The following MARK3 variants were observed in gnomAD, a reference collection of about 807,000 sequenced individuals.
The protein encoded by MARK3 is MAP/microtubule affinity-regulating kinase 3.
Under a neutral mutation model 90.1 loss-of-function variants are expected in MARK3, and 46 were observed. The observed-to-expected ratio is 0.51, with a 90% confidence interval of 0.40 to 0.65. MARK3 has a LOEUF of 0.65. MARK3 is among the 30% of genes least tolerant of loss of function. The pLI, the probability that MARK3 is intolerant of heterozygous loss-of-function variation, is 0.00. For synonymous variants in MARK3, 321 were observed against 332.6 expected, an observed-to-expected ratio of 0.97 and a Z score of 0.38; for missense variants, 818 against 947.2, an observed-to-expected ratio of 0.86 and a Z score of 1.79.
At chr14:103,418,444 T>G (rs1264083183) in intron 2 of MARK3, among the ~76,000 whole-genome samples, 1 of 152,132 alleles carries the variant, frequency 6.6e-6, no homozygotes, top group East Asian at 1.9e-4. Flanking sequence ...AGAGCTTTCC[T>G]ATTGGGAGTT....
intron 6 of MARK3, among the ~76,000 whole-genome samples, chr14:103,460,197 T>C (rs907219209): frequency 2.0e-5 from 3 of 147,206 alleles, no homozygotes; most frequent in Non-Finnish European, 4.5e-5. Context: ...GCCATTCTTC[T>C]GCCTCAGCCT....
chr14:103,408,248 G>A lies in MARK3; in HGVS notation c.243+2981G>A, dbSNP rs142686144. 6.2e-4 allele frequency among the ~76,000 whole-genome samples: 95 copies of A among 152,180 alleles called. No individual in the cohort carries two copies. In the East Asian group the frequency reaches 0.017, roughly 27 times the overall value. ...GTTGCCCAGGCTGGAGTGCAGTGGC[G>A]TGATCTCAGCTCACTGCAACCTCCC... On this transcript the variant is annotated intron_variant, in intron 2 of 17. Transcript: ENST00000429436.
chr14:103,436,014 C>G (rs1349743046), intron 3 of MARK3, among the ~76,000 whole-genome samples: 1 of 152,070 alleles, frequency 6.6e-6, no homozygotes, highest in Non-Finnish European at 1.5e-5. Context: ...CCTCAGCCTC[C>G]CAAGTAGCTG....
intron 2 of MARK3, chr14:103,412,168 C>G: frequency 2.8e-6 from 4 of 1,408,604 alleles, no homozygotes; most frequent in Non-Finnish European, 3.9e-6. Flanking sequence ...ATATAAGGCC[C>G]GGACATTCTG....
chr14:103,477,351 G>C (rs1319655249), intron 13 of MARK3, among the ~76,000 whole-genome samples: 1 of 152,092 alleles, frequency 6.6e-6, no homozygotes, highest in African/African-American at 2.4e-5. Context: ...AATTAGCCGG[G>C]TATAGTGGCG....
intron 1 of MARK3, chr14:103,386,345 G>C (rs1455328080): frequency 1.4e-6 from 1 of 690,016 alleles, no homozygotes; most frequent in Admixed American, 2.0e-5. Context: ...GTTACGGATC[G>C]GTGCTTTGAG....
At chr14:103,498,563 C>T in intron 16 of MARK3, 35 bp downstream of exon 16, 1 of 1,324,264 alleles carries the variant, frequency 7.6e-7, no homozygotes, top group Non-Finnish European at 9.7e-7. Flanking sequence ...TTTTTCAATC[C>T]TCACTCCCAA....
At chr14:103,396,158 T>G (rs2090564959) in intron 1 of MARK3, among the ~76,000 whole-genome samples, 1 of 45,986 alleles carries the variant, frequency 2.2e-5, no homozygotes, top group Non-Finnish European at 4.4e-5. Flanking sequence ...TTTGCCTGAG[T>G]GGGAGAGGAG....
In MARK3 at chr14:103,460,073, C is replaced by CTTTTTTTTTTTTTTTTT. The variant is rs571611660; in HGVS notation, c.484-2317_484-2301dup. On this transcript the variant is annotated intron_variant, in intron 6 of 17. Transcript: ENST00000429436. Reference sequence around the variant, plus strand: ...AAAAAGAATAGATTTCCAGCTCCATCTTTTTTTTTTTTTTTTTTTTTTTTT... The same window carrying CTTTTTTTTTTTTTTTTT: ...AAAAAGAATAGATTTCCAGCTCCATCTTTTTTTTTTTTTTTTTTTTTTTTTTTTTTTTTTTTTTTTTT... 2.6e-3 allele frequency among the ~76,000 whole-genome samples: 110 copies of CTTTTTTTTTTTTTTTTT among 41,722 alleles called. 26 individuals carry two copies. The highest frequency in any genetic ancestry group is 4.0e-3 in the South Asian group (2 of 504). The allele number at this position is 41,722 out of a possible 152,430, so 27.4% of individuals were successfully genotyped here.
At position 103,450,152 on chromosome 14, in the gene MARK3, GAAAA is replaced by G. The variant is rs566541255; in HGVS notation, c.346+1191_346+1194del. ...ATATCAGGGATATTAATTAAAATGT[GAAAA>G]AAAAATTTAGAATCAATAAGTATGG... On this transcript the variant is annotated intron_variant, in intron 4 of 17. Transcript: ENST00000429436. Among the ~76,000 whole-genome samples, 413 of 150,954 alleles carry G rather than the reference GAAAA, an allele frequency of 2.7e-3. 2 individuals carry two copies. Among genetic ancestry groups the G allele is most frequent in the African/African-American group, 9.6e-3 (395 of 41,114 alleles).
chr14:103,420,992 C>T (rs571989445), intron 2 of MARK3, among the ~76,000 whole-genome samples: 5 of 152,256 alleles, frequency 3.3e-5, no homozygotes, highest in South Asian at 2.1e-4. Context: ...GTCTTCCTAA[C>T]GCACCCTTGA....
At chr14:103,444,972 T>A (rs528523138) in intron 3 of MARK3, among the ~76,000 whole-genome samples, 1 of 152,368 alleles carries the variant, frequency 6.6e-6, no homozygotes, top group African/African-American at 2.4e-5. Flanking sequence ...TCTCTGGCAT[T>A]TTTATCTCAC....
chr14:103,436,451 A>C (rs1010437250), intron 3 of MARK3, among the ~76,000 whole-genome samples: 1 of 97,386 alleles, frequency 1.0e-5, no homozygotes, highest in Admixed American at 1.0e-4. Context: ...TCATTTTCTT[A>C]TATTGACTTT....
intron 4 of MARK3, among the ~76,000 whole-genome samples, chr14:103,450,918 A>ATTAT: frequency 3.4e-5 from 1 of 29,734 alleles, no homozygotes; most frequent in Non-Finnish European, 6.8e-5. Context: ...GTGTGTGTGT[A>ATTAT]TTCTTTTTTT....
chr14:103,424,542 A>AAC (rs2092337621), intron 2 of MARK3, among the ~76,000 whole-genome samples: 3 of 150,688 alleles, frequency 2.0e-5, no homozygotes, highest in Non-Finnish European at 2.9e-5. Context: ...AAAAAACAAA[A>AAC]AAAAGAATCT....
intron 1 of MARK3, among the ~76,000 whole-genome samples, chr14:103,386,658 C>T (rs1233205878): frequency 3.3e-5 from 5 of 152,144 alleles, no homozygotes; most frequent in East Asian, 1.9e-4. Context: ...AAGGCAGTTT[C>T]CTTTCCATAC....
At chr14:103,465,877 C>A in intron 8 of MARK3, 84 bp downstream of exon 8, 1 of 1,539,416 alleles carries the variant, frequency 6.5e-7, no homozygotes. Flanking sequence ...AACATTATAT[C>A]AGTGCGGGGG....
At chr14:103,451,139 CCG>C (rs2093137746) in intron 4 of MARK3, among the ~76,000 whole-genome samples, 1 of 151,514 alleles carries the variant, frequency 6.6e-6, no homozygotes, top group South Asian at 2.1e-4. Flanking sequence ...TGCCATGTTG[CCG>C]AGGGTGGTGT....
chr14:103,404,973 A>C (rs536370713), intron 1 of MARK3, 103 bp from the exon 2 acceptor site: 13 of 779,922 alleles, frequency 1.7e-5, no homozygotes, highest in Admixed American at 1.0e-4. Context: ...CTTTAAGATT[A>C]AAATTAAAGT....
Sources: gnomAD v4.1 joint callset for allele counts (sites outside exome capture counted in the v4.1 genomes callset) on GRCh38, gnomAD v4.1.1 for gene constraint, MANE v1.5 for transcripts, NCBI Gene and HGNC (gene_info 2026-07-23, HGNC 2026-07-21) for gene names.